Variants in RNF145 observed in about 807,000 individuals in gnomAD.
The protein encoded by RNF145 is ring finger protein 145.
In RNF145, 12 loss-of-function variants were observed where a neutral mutation model predicts 57.3. That is an observed-to-expected ratio of 0.21 (90% CI 0.13 to 0.34). The LOEUF (loss-of-function observed/expected upper bound fraction) is 0.34. Ranked by LOEUF, RNF145 falls within the 10% of genes least tolerant of loss-of-function variation. RNF145 has a pLI of 1.00. For missense variants in RNF145, 429 were observed against 799.0 expected (o/e 0.54, Z 5.58); for synonymous variants, 262 against 288.3 (o/e 0.91, Z 0.92).
rs768879365 is a variant in RNF145 at position 159,158,683 on chromosome 5, A to G, written c.1979T>C (p.Val660Ala). 2.5e-6 allele frequency: 4 copies of G among 1,613,832 alleles called. No homozygotes were observed. Among genetic ancestry groups the G allele is most frequent in the Non-Finnish European group, 3.4e-6 (4 of 1,179,788 alleles). ...PHSAKDEAHPVESA is the reference protein window; with the variant it reads ...PHSAKDEAHPAESA ...GCTGCTTCTCCTCTAGGCTGATTCA[A>G]CAGGATGTGCTTCATCTTTCGCACT... The change falls in exon 11 of 11, where the codon GTT becomes GCT. Residue 660 changes from valine (V) to alanine (A), a missense_variant. Coordinates refer to ENST00000424310, the MANE Select transcript of RNF145 (RefSeq NM_001199383.2).
At chr5:159,183,580 AATT>A (rs1426182369) in intron 3 of RNF145, among the ~76,000 whole-genome samples, 1 of 152,228 alleles carries the variant, frequency 6.6e-6, no homozygotes, top group Non-Finnish European at 1.5e-5. Flanking sequence ...AAATTAAAAG[AATT>A]ATGAAATTAG....
intron 1 of RNF145, among the ~76,000 whole-genome samples, chr5:159,206,522 G>A (rs924974862): frequency 6.6e-6 from 1 of 152,164 alleles, no homozygotes; most frequent in Non-Finnish European, 1.5e-5. Context: ...TTCTTTGCAA[G>A]TACTTGCAAT....
chr5:159,192,437 C>T lies in RNF145; in HGVS notation c.293+2279G>A, dbSNP rs548627026. Among the ~76,000 whole-genome samples the T allele has an allele frequency of 2.6e-5, 4 of 152,150 alleles. No homozygotes were observed. In the South Asian group the frequency reaches 8.3e-4, roughly 32 times the overall value. ...CCCAGAATTGTAGCTATAATAAAAG[C>T]AACAATATTAAGAGGTCTACCTTCA... On this transcript the variant is annotated intron_variant, in intron 3 of 10. Transcript: ENST00000424310.
intron 8 of RNF145, among the ~76,000 whole-genome samples, chr5:159,167,356 C>G (rs945663566): frequency 6.6e-6 from 1 of 152,206 alleles, no homozygotes; most frequent in Non-Finnish European, 1.5e-5. Context: ...GGCCCACATA[C>G]AACACTTCTC....
upstream of RNF145, chr5:159,209,968 C>T (rs943583813): frequency 6.8e-7 from 1 of 1,463,526 alleles, no homozygotes; most frequent in East Asian, 2.5e-5. Flanking sequence ...ACTGTAAACT[C>T]CTTGGCGTCT....
intron 1 of RNF145, among the ~76,000 whole-genome samples, chr5:159,205,315 A>G (rs1470499698): frequency 6.6e-6 from 1 of 152,222 alleles, no homozygotes; most frequent in Non-Finnish European, 1.5e-5. Context: ...AGAACTAAAT[A>G]TCATGTCCTA....
chr5:159,181,910 G>GT (rs1562061195), intron 4 of RNF145, 50 bp downstream of exon 4: 2 of 1,053,284 alleles, frequency 1.9e-6, no homozygotes, highest in East Asian at 4.8e-5. Flanking sequence ...TTATAAGTTA[G>GT]TAAGACTGGT....
At position 159,209,504 on chromosome 5, in the gene RNF145, T is replaced by TCGGCGGCTGCGGCGG; in HGVS notation, c.-314_-313insCCGCCGCAGCCGCCG. 2.1e-6 allele frequency: 2 copies of TCGGCGGCTGCGGCGG among 965,426 alleles called. No individual in the cohort carries two copies. Among genetic ancestry groups the TCGGCGGCTGCGGCGG allele is most frequent in the Non-Finnish European group, 2.5e-6 (2 of 813,116 alleles). The allele number at this position is 965,426 out of a possible 1,614,324, so 59.8% of individuals were successfully genotyped here. Reference sequence around the variant, plus strand: ...AGCCCCTTAGCAGCCGGCGCCGGCGTCGGCGGCCATGGCCTCCTGCGTTTG... The same window carrying TCGGCGGCTGCGGCGG: ...AGCCCCTTAGCAGCCGGCGCCGGCGTCGGCGGCTGCGGCGGCGGCGGCCATGGCCTCCTGCGTTTG... On this transcript the variant is annotated 5_prime_UTR_variant, in exon 1 of 11. Coordinates refer to ENST00000424310, the MANE Select transcript of RNF145 (RefSeq NM_001199383.2).
intron 4 of RNF145, among the ~76,000 whole-genome samples, chr5:159,178,526 G>A (rs939158892): frequency 1.3e-5 from 2 of 151,890 alleles, no homozygotes; most frequent in African/African-American, 2.4e-5. Flanking sequence ...GATTAATTTA[G>A]AATAATTAAT....
At chr5:159,162,198 T>C (rs1344917981) in intron 9 of RNF145, among the ~76,000 whole-genome samples, 4 of 152,198 alleles carry the variant, frequency 2.6e-5, no homozygotes, top group African/African-American at 9.6e-5. Context: ...CATATACATA[T>C]ATATTTATAT....
intron 7 of RNF145, among the ~76,000 whole-genome samples, chr5:159,169,406 G>A (rs1214663637): frequency 6.6e-6 from 1 of 152,012 alleles, no homozygotes; most frequent in Non-Finnish European, 1.5e-5. Context: ...ACTTCAAATG[G>A]GAAAAAGCAC....
chr5:159,164,190 G>A (rs898540222), intron 8 of RNF145, among the ~76,000 whole-genome samples: 1 of 152,056 alleles, frequency 6.6e-6, no homozygotes, highest in Non-Finnish European at 1.5e-5. Flanking sequence ...AAAAATTAAA[G>A]CTGCATACTT....
In RNF145 at chr5:159,165,705, AAAAAAAAAAAAAAAAAAAAAAAAAAAAAT is replaced by A. The variant is rs1784369981; in HGVS notation, c.1122-2655_1122-2627del. On this transcript the variant is annotated intron_variant, in intron 8 of 10. Coordinates refer to ENST00000424310, the MANE Select transcript of RNF145 (RefSeq NM_001199383.2). ...CTCAAAAAAAAAAAAAAAAAAAAAA[AAAAAAAAAAAAAAAAAAAAAAAAAAAAAT>A]AATAATATCCTACATTATCATCTTT... Among the ~76,000 whole-genome samples, 4 of 8,098 alleles carry A rather than the reference AAAAAAAAAAAAAAAAAAAAAAAAAAAAAT, an allele frequency of 4.9e-4. 2 individuals are homozygous for A. Among genetic ancestry groups the A allele is most frequent in the Non-Finnish European group, 7.7e-4 (4 of 5,198 alleles). 5.3% of individuals were successfully genotyped at this position (8,098 alleles called of 152,430 possible).
At chr5:159,192,827 G>A (rs36070529) in intron 3 of RNF145, among the ~76,000 whole-genome samples, 22,324 of 152,200 alleles carry the variant, frequency 0.15, 1,797 homozygotes, top group Non-Finnish European at 0.19. Context: ...TCCATCTATC[G>A]AAAAATAAGT....
At chr5:159,203,410 AG>A in intron 2 of RNF145, 23 bp downstream of exon 2, 1 of 1,489,776 alleles carries the variant, frequency 6.7e-7, no homozygotes, top group Non-Finnish European at 9.4e-7. Flanking sequence ...CTAGAAGATT[AG>A]AAAATGTGAT....
At chr5:159,184,082 T>C (rs960462628) in intron 3 of RNF145, among the ~76,000 whole-genome samples, 3 of 152,188 alleles carry the variant, frequency 2.0e-5, no homozygotes, top group Admixed American at 6.5e-5. Context: ...GTCCCAAGTG[T>C]CTCTTTGTGA....
chr5:159,188,441 A>T (rs1184042135), intron 3 of RNF145, among the ~76,000 whole-genome samples: 1 of 152,000 alleles, frequency 6.6e-6, no homozygotes, highest in Non-Finnish European at 1.5e-5. Flanking sequence ...TAGAAAAAAC[A>T]TCCATCTGTG....
chr5:159,187,912 A>G (rs1370743918), intron 3 of RNF145, among the ~76,000 whole-genome samples: 1 of 152,232 alleles, frequency 6.6e-6, no homozygotes, highest in African/African-American at 2.4e-5. Context: ...TAGTTTACAC[A>G]TAAGTCACTC....
At chr5:159,176,354 C>T (rs1166577673) in intron 5 of RNF145, among the ~76,000 whole-genome samples, 7 of 152,036 alleles carry the variant, frequency 4.6e-5, no homozygotes, top group Admixed American at 2.0e-4. Flanking sequence ...CAGAAAGTAA[C>T]GCAATTATCA....
Sources: gnomAD v4.1 joint callset for allele counts (sites outside exome capture counted in the v4.1 genomes callset) on GRCh38, gnomAD v4.1.1 for gene constraint, MANE v1.5 for transcripts, NCBI Gene and HGNC (gene_info 2026-07-23, HGNC 2026-07-21) for gene names.